The following PIAS2 variants were observed in gnomAD, a reference collection of about 807,000 sequenced individuals.
PIAS2 encodes protein inhibitor of activated STAT 2, also known as E3 SUMO-protein ligase PIAS2.
In PIAS2, 19 loss-of-function variants were observed where a neutral mutation model predicts 69.7. That is an observed-to-expected ratio of 0.27 (90% confidence interval 0.19 to 0.40). PIAS2 has a LOEUF of 0.40. PIAS2 is among the 10% of genes least tolerant of loss of function. The probability of loss-of-function intolerance (pLI) is 1.00; values close to 1 mark genes in which losing one functional copy is unlikely to be tolerated. For missense variants in PIAS2, 624 were observed against 757.0 expected, an observed-to-expected ratio of 0.82 and a Z score of 2.06; for synonymous variants, 261 against 263.2, an observed-to-expected ratio of 0.99 and a Z score of 0.08.
Position 46,805,575 on chromosome 18 carries a change from T to C in PIAS2, c.*6858A>G, listed in dbSNP as rs1229484811. The stretch of plus-strand genomic sequence containing the variant: ...GGACAGCAACCACTGTATCTTGAGA[T>C]ATGTAGAATGTGAACACAGCCCACG... On this transcript the variant is annotated 3_prime_UTR_variant, in exon 14 of 14. Coordinates refer to ENST00000585916, the MANE Select transcript of PIAS2 (RefSeq NM_004671.5). 1.3e-5 allele frequency: 2 copies of C among 152,130 alleles called. No individual in the cohort carries two copies. Among genetic ancestry groups the C allele is most frequent in the Admixed American group, 6.5e-5 (1 of 15,270 alleles). The allele number at this position is 152,130 out of a possible 1,614,324, so 9.4% of individuals were successfully genotyped here. A position where few individuals can be genotyped will look rare whatever the true frequency, so the allele number is the denominator to read the frequency against.
chr18:46,913,394 G>A (rs2057468856), intron 1 of PIAS2, among the ~76,000 whole-genome samples: 1 of 152,116 alleles, frequency 6.6e-6, no homozygotes, highest in African/African-American at 2.4e-5. Context: ...TTTGGTAAAT[G>A]TTCTGGTTTA....
intron 5 of PIAS2, among the ~76,000 whole-genome samples, chr18:46,854,650 C>T (rs989781908): frequency 6.6e-6 from 1 of 152,194 alleles, no homozygotes; most frequent in Non-Finnish European, 1.5e-5. Flanking sequence ...AGGCTGCATG[C>T]ATTTACATTG....
intron 12 of PIAS2, chr18:46,818,258 C>T: frequency 7.9e-7 from 1 of 1,257,894 alleles, no homozygotes; most frequent in East Asian, 3.2e-5. Flanking sequence ...AATGATACAA[C>T]TTTTGAGCAC....
intron 1 of PIAS2, among the ~76,000 whole-genome samples, chr18:46,897,555 G>A (rs1174910385): frequency 1.3e-5 from 2 of 152,044 alleles, no homozygotes; most frequent in African/African-American, 2.4e-5. Flanking sequence ...GATGTTAAGG[G>A]AAAAATTCAT....
chr18:46,825,897 T>C (rs1333061444), intron 11 of PIAS2, among the ~76,000 whole-genome samples: 1 of 152,234 alleles, frequency 6.6e-6, no homozygotes, highest in Non-Finnish European at 1.5e-5. Context: ...ATTAAAGCAC[T>C]CCTGGGATAA....
chr18:46,906,887 G>A (rs1248819176), intron 1 of PIAS2, among the ~76,000 whole-genome samples: 1 of 151,814 alleles, frequency 6.6e-6, no homozygotes, highest in Non-Finnish European at 1.5e-5. Flanking sequence ...TGCTACTTCT[G>A]TCTCCCTCAA....
At position 46,803,459 on chromosome 18, in the gene PIAS2, T is replaced by A. The variant is rs12458649; in HGVS notation, c.*8974A>T. The A allele has an allele frequency of 1.3e-5, 2 of 152,278 alleles. No individual in the cohort carries two copies. Among genetic ancestry groups the A allele is most frequent in the African/African-American group, 4.8e-5 (2 of 41,454 alleles). The allele number at this position is 152,278 out of a possible 1,614,324, so 9.4% of individuals were successfully genotyped here. Reference sequence around the variant, plus strand: ...CAGCTGCTGCTTCTTGATTTCCTTGTGTTCCTTTTCCAGTCTTCTTTTCTC... The same window carrying A: ...CAGCTGCTGCTTCTTGATTTCCTTGAGTTCCTTTTCCAGTCTTCTTTTCTC... On this transcript the variant is annotated 3_prime_UTR_variant, in exon 14 of 14. Coordinates refer to ENST00000585916, the MANE Select transcript of PIAS2 (RefSeq NM_004671.5).
At chr18:46,858,687 G>C (rs1224214645) in intron 3 of PIAS2, among the ~76,000 whole-genome samples, 1 of 152,164 alleles carries the variant, frequency 6.6e-6, no homozygotes, top group Non-Finnish European at 1.5e-5. Context: ...GACAGAGCAA[G>C]ACCCTGGCTC....
Position 46,818,468 on chromosome 18 carries a change from TG to T in PIAS2, c.1648+2464del, listed in dbSNP as rs750444219. ...TTCTCCTGCAGATTCAGAAGATTCA[TG>T]TTTATGATGTTTAAAAGGAATGTTA... On this transcript the variant is annotated intron_variant, in intron 12 of 13. Coordinates refer to ENST00000585916, the MANE Select transcript of PIAS2 (RefSeq NM_004671.5). 1.8e-4 allele frequency: 277 copies of T among 1,550,006 alleles called. 1 individual carries two copies. Among genetic ancestry groups the T allele is most frequent in the East Asian group, 2.8e-4 (12 of 42,818 alleles).
intron 11 of PIAS2, among the ~76,000 whole-genome samples, chr18:46,823,433 CAAT>C (rs774836294): frequency 5.3e-5 from 8 of 152,116 alleles, no homozygotes; most frequent in Non-Finnish European, 1.2e-4. Flanking sequence ...CACGTAACAA[CAAT>C]AACAGAGCTC....
intron 11 of PIAS2, among the ~76,000 whole-genome samples, chr18:46,825,798 T>C (rs997260435): frequency 5.9e-5 from 9 of 152,354 alleles, no homozygotes; most frequent in Admixed American, 2.6e-4. Flanking sequence ...AAATGGCAAT[T>C]AATTTACTGA....
chr18:46,803,705 T>A lies in PIAS2; in HGVS notation c.*8728A>T, dbSNP rs1225969609. 6.6e-6 allele frequency: 1 copy of A among 152,228 alleles called. No homozygotes were observed. The highest frequency in any genetic ancestry group is 1.5e-5 in the Non-Finnish European group (1 of 68,040). The allele number at this position is 152,228 out of a possible 1,614,324, so 9.4% of individuals were successfully genotyped here. Reference sequence around the variant, plus strand: ...TGAGGATAAATTATGTTTACAATTATATTGTAGCACTCTGTGTAGTGTACC... The same window carrying A: ...TGAGGATAAATTATGTTTACAATTAAATTGTAGCACTCTGTGTAGTGTACC... On this transcript the variant is annotated 3_prime_UTR_variant, in exon 14 of 14. Coordinates refer to ENST00000585916, the MANE Select transcript of PIAS2 (RefSeq NM_004671.5).
At chr18:46,898,716 G>A (rs1368384182) in intron 1 of PIAS2, among the ~76,000 whole-genome samples, 1 of 152,106 alleles carries the variant, frequency 6.6e-6, no homozygotes, top group Non-Finnish European at 1.5e-5. Context: ...CTTTGAGGCC[G>A]GGTGCAGTGG....
At chr18:46,910,565 C>T (rs917761561) in intron 1 of PIAS2, among the ~76,000 whole-genome samples, 1 of 151,752 alleles carries the variant, frequency 6.6e-6, no homozygotes, top group Non-Finnish European at 1.5e-5. Context: ...GGACAGGTTG[C>T]TATTTAAAAA....
upstream of PIAS2, chr18:46,919,925 G>A (rs2058437456): frequency 3.2e-5 from 15 of 470,898 alleles, no homozygotes; most frequent in South Asian, 2.5e-4. Flanking sequence ...GAATGCCACT[G>A]TGGGAGGAGT....
intron 2 of PIAS2, among the ~76,000 whole-genome samples, chr18:46,883,324 C>T (rs1386839600): frequency 6.6e-6 from 1 of 152,132 alleles, no homozygotes; most frequent in Non-Finnish European, 1.5e-5. Flanking sequence ...AGGTATTTCA[C>T]ATAACACCAG....
At chr18:46,863,004 C>A (rs1349902880) in intron 3 of PIAS2, among the ~76,000 whole-genome samples, 1 of 152,134 alleles carries the variant, frequency 6.6e-6, no homozygotes, top group Non-Finnish European at 1.5e-5. Context: ...CCACGCCCAG[C>A]CTTTTTAAAA....
chr18:46,812,220 C>T lies in PIAS2; in HGVS notation c.*213G>A. The T allele has an allele frequency of 2.3e-6, 1 of 441,142 alleles. No homozygotes were observed. Among genetic ancestry groups the T allele is most frequent in the Non-Finnish European group, 4.0e-6 (1 of 248,352 alleles). 27.3% of individuals were successfully genotyped at this position (441,142 alleles called of 1,614,324 possible). A position where few individuals can be genotyped will look rare whatever the true frequency, so the allele number is the denominator to read the frequency against. Reference sequence around the variant, plus strand: ...CAGTTATGGTTGAATGTATCTGATGCTGAGAGTACAGCATAATTAAGAAAA... The same window carrying T: ...CAGTTATGGTTGAATGTATCTGATGTTGAGAGTACAGCATAATTAAGAAAA... On this transcript the variant is annotated 3_prime_UTR_variant, in exon 14 of 14. Coordinates refer to ENST00000585916, the MANE Select transcript of PIAS2 (RefSeq NM_004671.5).
At chr18:46,867,086 C>T (rs573811362) in intron 2 of PIAS2, among the ~76,000 whole-genome samples, 14 of 151,534 alleles carry the variant, frequency 9.2e-5, no homozygotes, top group East Asian at 7.8e-4. Flanking sequence ...GTTGCACATA[C>T]GCAATATATA....
Sources: allele counts gnomAD v4.1 joint callset (sites outside exome capture counted in the v4.1 genomes callset), GRCh38; gene constraint gnomAD v4.1.1; transcripts MANE v1.5; gene names NCBI Gene and HGNC (gene_info 2026-07-23, HGNC 2026-07-21).